The following PATJ variants were observed in gnomAD, a reference collection of about 807,000 sequenced individuals.
The protein encoded by PATJ is inaD-like protein.
PATJ carries 190 observed loss-of-function variants against 224.9 expected under a neutral mutation model. The ratio of observed to expected loss-of-function variants is 0.84; its 90% CI spans 0.75 to 0.95. PATJ has a LOEUF of 0.95. PATJ is among the 40% of genes least tolerant of loss of function. PATJ has a pLI of 0.00. For missense variants in PATJ, 2,121 were observed against 2,270.3 expected (o/e 0.93, Z 1.34); for synonymous variants, 769 against 820.3 (o/e 0.94, Z 1.07).
At chr1:61,795,641 T>A in intron 10 of PATJ, 83 bp downstream of exon 10, 7 of 623,582 alleles carry the variant, frequency 1.1e-5, no homozygotes, top group African/African-American at 1.9e-5. Flanking sequence ...AGAGGGGGAA[T>A]AGCTTAATAT....
intron 14 of PATJ, 53 bp downstream of exon 14, chr1:61,808,583 G>T (rs1412787462): frequency 9.0e-7 from 1 of 1,107,252 alleles, no homozygotes; most frequent in Non-Finnish European, 1.4e-6. Context: ...AAGAGATAGG[G>T]TCTCACTATG....
At position 62,051,036 on chromosome 1, in the gene PATJ, C is replaced by G. The variant is rs1373141524; in HGVS notation, c.4103C>G (p.Pro1368Arg). Residue 1368 changes from proline to arginine, a missense_variant, in exon 31 of 44, where the codon CCT (proline) becomes CGT (arginine). Transcript: ENST00000642238. ...GSVEVGIKQL[P>R]ESESFKLAVS... is the part of the protein sequence containing the mutation. ...GTCGAAGTTGGTATTAAACAATTGC[C>G]TGAAAGTGAAAGCTTCAAACTGGTG... 1 of 1,613,218 alleles carries G rather than the reference C, an allele frequency of 6.2e-7. No individual in the cohort carries two copies.
intron 29 of PATJ, among the ~76,000 whole-genome samples, chr1:62,035,260 C>A (rs372750830): frequency 1.3e-5 from 2 of 152,154 alleles, no homozygotes; most frequent in African/African-American, 2.4e-5. Context: ...AAAACAGATG[C>A]GCTTGATACG....
chr1:61,944,243 A>G (rs1311287395), intron 27 of PATJ, among the ~76,000 whole-genome samples: 1 of 152,236 alleles, frequency 6.6e-6, no homozygotes, highest in Non-Finnish European at 1.5e-5. Flanking sequence ...TTGAGAGAAG[A>G]AGGCTTCAGA....
intron 22 of PATJ, among the ~76,000 whole-genome samples, chr1:61,892,532 T>C (rs1261633976): frequency 1.3e-5 from 2 of 152,156 alleles, no homozygotes; most frequent in African/African-American, 4.8e-5. Context: ...GAATTATAAC[T>C]TTAGGCATTT....
chr1:62,162,714 C>T lies in PATJ; in HGVS notation c.*1660C>T. 6.1e-6 allele frequency: 1 copy of T among 163,586 alleles called. No homozygotes were observed. Among genetic ancestry groups the T allele is most frequent in the Middle Eastern group, 2.9e-3 (1 of 346 alleles). 10.1% of individuals were successfully genotyped at this position (163,586 alleles called of 1,614,324 possible). ...CTGTAATCCCAGCACTTTGGGAGGC[C>T]AGGGCAGGCGAATCATGAGGTCAGG... On this transcript the variant is annotated 3_prime_UTR_variant, in exon 44 of 44. Transcript: ENST00000642238.
chr1:61,955,136 A>G (rs187231687), intron 27 of PATJ, among the ~76,000 whole-genome samples: 165 of 152,274 alleles, frequency 1.1e-3, no homozygotes, highest in Middle Eastern at 6.8e-3. Flanking sequence ...TGTTAGTATT[A>G]TTATTCCCAT....
intron 27 of PATJ, among the ~76,000 whole-genome samples, chr1:61,950,594 A>G (rs954687547): frequency 1.3e-5 from 2 of 152,214 alleles, no homozygotes; most frequent in African/African-American, 4.8e-5. Flanking sequence ...AGGTGTCACT[A>G]CAATCAACAG....
intron 33 of PATJ, among the ~76,000 whole-genome samples, chr1:62,106,079 T>TATACACAC (rs1313613418): frequency 1.6e-3 from 33 of 20,760 alleles, no homozygotes; most frequent in African/African-American, 4.1e-3. Flanking sequence ...TATATATATA[T>TATACACAC]ACACACACAC....
chr1:61,775,314 C>G lies in PATJ; in HGVS notation c.829C>G (p.Pro277Ala). The G allele has an allele frequency of 3.1e-6, 5 of 1,612,036 alleles. No individual in the cohort carries two copies. Among genetic ancestry groups the G allele is most frequent in the Non-Finnish European group, 4.2e-6 (5 of 1,179,204 alleles). ...TGGCGTGGTTGTGAGGACTATAGTT[C>G]CTGGAGGATTAGCAGATCGAGTAAG... ...TSGVVVRTIV[P>A]GGLADRDGRL... The change falls in exon 7 of 44, where the codon CCT becomes GCT. Residue 277 changes from proline (P) to alanine (A), a missense_variant. By Grantham distance (27) the Pro-to-Ala change is conservative. Coordinates refer to ENST00000642238, the MANE Select transcript of PATJ (RefSeq NM_001350145.3).
intron 37 of PATJ, chr1:62,120,815 A>C (rs1397517661): frequency 5.2e-6 from 1 of 191,172 alleles, no homozygotes; most frequent in East Asian, 1.3e-4. Flanking sequence ...TGTAACCCCA[A>C]ATGAAACATA....
intron 30 of PATJ, among the ~76,000 whole-genome samples, chr1:62,042,643 T>C (rs1378309593): frequency 6.6e-6 from 1 of 152,150 alleles, no homozygotes; most frequent in African/African-American, 2.4e-5. Context: ...CAAATGCTTA[T>C]TGAGCTATTT....
chr1:61,949,073 C>G lies in PATJ; in HGVS notation c.3670+21244C>G, dbSNP rs893156614. ...ACACTGGGGTCTGTTGTGGGGTCGG[C>G]GGGGAGCGGGGAGGGATTGCATTAG... On this transcript the variant is annotated intron_variant, in intron 27 of 43. Transcript: ENST00000642238. Among the ~76,000 whole-genome samples the G allele has an allele frequency of 2.5e-3, 312 of 127,218 alleles. 1 individual carries two copies. The highest frequency in any genetic ancestry group is 8.0e-3 in the African/African-American group (265 of 33,188). 83.5% of individuals were successfully genotyped at this position (127,218 alleles called of 152,430 possible). A position where few individuals can be genotyped will look rare whatever the true frequency, so the allele number is the denominator to read the frequency against.
At chr1:62,117,498 T>G in intron 37 of PATJ, 5 of 923,022 alleles carry the variant, frequency 5.4e-6, no homozygotes, top group South Asian at 4.1e-5. Flanking sequence ...TACACAGCTG[T>G]GTTTATTTAA....
intron 26 of PATJ, among the ~76,000 whole-genome samples, chr1:61,920,614 C>T (rs371586566): frequency 6.6e-6 from 1 of 151,814 alleles, no homozygotes; most frequent in Non-Finnish European, 1.5e-5. Flanking sequence ...TTATATTTGC[C>T]TGGCATGTTG....
chr1:61,947,170 C>G (rs1306017083), intron 27 of PATJ, among the ~76,000 whole-genome samples: 2 of 152,140 alleles, frequency 1.3e-5, no homozygotes, highest in Non-Finnish European at 2.9e-5. Context: ...GACAGGGATG[C>G]CCTCTCTCAC....
chr1:61,976,194 C>A (rs919084000), intron 27 of PATJ, among the ~76,000 whole-genome samples: 3 of 151,970 alleles, frequency 2.0e-5, no homozygotes, highest in African/African-American at 7.3e-5. Flanking sequence ...GCTACTCTAG[C>A]AGAAGTGAAC....
In PATJ at chr1:61,856,189, A is replaced by T. The variant is rs1484479161; in HGVS notation, c.2272A>T (p.Lys758Ter). ...ACTTGCTGAAGCTGTGGAAATATTG[A>T]AAGCTGTGCCACCAGGCCTAGTACA... Reference protein sequence around the residue: ...TSLAEAVEILKAVPPGLVHLG... With the variant: ...TSLAEAVEIL The change falls in exon 18 of 44, where the codon AAA (lysine) becomes TAA (stop). Residue 758 changes from lysine (K) to a stop codon, truncating the protein, a stop_gained. Coordinates refer to ENST00000642238, the MANE Select transcript of PATJ (RefSeq NM_001350145.3). LOFTEE classifies it high-confidence loss of function. 1.2e-6 allele frequency: 2 copies of T among 1,614,170 alleles called. No individual in the cohort carries two copies. Among genetic ancestry groups the T allele is most frequent in the Non-Finnish European group, 1.7e-6 (2 of 1,180,016 alleles).
At chr1:61,766,179 T>A in intron 3 of PATJ, 100 bp from the exon 4 acceptor site, 1 of 755,346 alleles carries the variant, frequency 1.3e-6, no homozygotes, top group Non-Finnish European at 2.1e-6. Context: ...ATGTATATAT[T>A]TAATGTGCAA....
Sources: gnomAD v4.1 joint callset for allele counts (sites outside exome capture counted in the v4.1 genomes callset) on GRCh38, gnomAD v4.1.1 for gene constraint, MANE v1.5 for transcripts, NCBI Gene and HGNC (gene_info 2026-07-23, HGNC 2026-07-21) for gene names.